The following NUP153 variants were observed in gnomAD, a reference collection of about 807,000 sequenced individuals.
NUP153 encodes nuclear pore complex protein Nup153.
NUP153 carries 27 observed loss-of-function variants against 134.6 expected under a neutral mutation model. The ratio of observed to expected loss-of-function variants is 0.20; its 90% CI spans 0.15 to 0.28. NUP153 has a LOEUF of 0.28. Ranked by LOEUF, NUP153 falls within the 10% of genes least tolerant of loss-of-function variation. NUP153 has a pLI of 1.00. For synonymous variants in NUP153, 640 were observed against 623.5 expected, an observed-to-expected ratio of 1.03 and a Z score of -0.40; for missense variants, 1,821 against 1,731.3, an observed-to-expected ratio of 1.05 and a Z score of -0.92.
intron 17 of NUP153, among the ~76,000 whole-genome samples, chr6:17,631,823 T>G (rs150808282): frequency 0.022 from 3,363 of 152,126 alleles, 52 homozygotes; most frequent in Non-Finnish European, 0.03. Context: ...AAAAATTAGC[T>G]AGGCGTGGTG....
At chr6:17,632,955 A>T (rs1765338416) in intron 16 of NUP153, 111 bp from the exon 17 acceptor site, 1 of 724,416 alleles carries the variant, frequency 1.4e-6, no homozygotes, top group African/African-American at 1.8e-5. Flanking sequence ...AGTTTCTAAT[A>T]ATATTTCCTA....
intron 13 of NUP153, among the ~76,000 whole-genome samples, 195 bp from the exon 14 acceptor site, chr6:17,646,349 AG>A (rs1430515694): frequency 6.6e-6 from 1 of 152,070 alleles, no homozygotes; most frequent in Non-Finnish European, 1.5e-5. Flanking sequence ...CTGGGACTAC[AG>A]GAACTCGCCA....
chr6:17,644,958 C>A (rs764353240), intron 14 of NUP153, among the ~76,000 whole-genome samples: 1 of 151,988 alleles, frequency 6.6e-6, no homozygotes, highest in African/African-American at 2.4e-5. Context: ...TGGTGGCAGG[C>A]GCCTGTGGTG....
At chr6:17,649,845 C>T (rs1766414254) in intron 11 of NUP153, among the ~76,000 whole-genome samples, 1 of 152,090 alleles carries the variant, frequency 6.6e-6, no homozygotes, top group African/African-American at 2.4e-5. Flanking sequence ...ACAGTATATA[C>T]AGGGTTCAAT....
chr6:17,704,317 A>G (rs1282618362), intron 1 of NUP153, among the ~76,000 whole-genome samples: 1 of 151,738 alleles, frequency 6.6e-6, no homozygotes, highest in Non-Finnish European at 1.5e-5. Context: ...AGCTGTGATA[A>G]CTTCAGACAT....
At chr6:17,698,198 T>G (rs1442306864) in intron 1 of NUP153, among the ~76,000 whole-genome samples, 2 of 152,208 alleles carry the variant, frequency 1.3e-5, no homozygotes, top group Admixed American at 1.3e-4. Flanking sequence ...GCTAGAGGAC[T>G]TGGACTGATT....
At chr6:17,654,481 C>T (rs1184834076) in intron 11 of NUP153, among the ~76,000 whole-genome samples, 1 of 152,126 alleles carries the variant, frequency 6.6e-6, no homozygotes, top group African/African-American at 2.4e-5. Context: ...GCCACTACGC[C>T]CAGCTAATTT....
At chr6:17,671,088 GCCA>G (rs1767879257) in intron 5 of NUP153, among the ~76,000 whole-genome samples, 1 of 152,158 alleles carries the variant, frequency 6.6e-6, no homozygotes, top group East Asian at 1.9e-4. Flanking sequence ...ACAGGCATGA[GCCA>G]CCACACCTGG....
intron 16 of NUP153, among the ~76,000 whole-genome samples, chr6:17,634,980 A>T (rs62999762): frequency 7.4e-3 from 3 of 406 alleles, no homozygotes; most frequent in African/African-American, 0.012. Flanking sequence ...ATTAAAAAAT[A>T]AAAAAAAAAA....
intron 1 of NUP153, among the ~76,000 whole-genome samples, chr6:17,692,873 C>T (rs142452167): frequency 6.6e-6 from 1 of 152,060 alleles, no homozygotes; most frequent in Non-Finnish European, 1.5e-5. Context: ...TAGAGAAGCC[C>T]CTCCAAAACA....
In NUP153 at chr6:17,625,803, T is replaced by C; in HGVS notation, c.3901+5A>G. ...TACAATGCATTTTTTCTTTTGTAAA[T>C]GTACCTGCAGAGCTAGATGTGGTTG... On this transcript the variant is annotated splice_donor_5th_base_variant and intron_variant, in intron 19 of 21. Transcript: ENST00000262077. This position sits in a 1 kb window ranked among gnomAD's most constrained non-coding sequence, Gnocchi z 4.7. 6.2e-7 allele frequency: 1 copy of C among 1,600,624 alleles called. No individual in the cohort carries two copies. The highest frequency in any genetic ancestry group is 1.7e-5 in the Admixed American group (1 of 59,500).
intron 20 of NUP153, among the ~76,000 whole-genome samples, chr6:17,618,755 A>G (rs901196742): frequency 4.6e-5 from 7 of 152,038 alleles, no homozygotes; most frequent in Non-Finnish European, 7.4e-5. Flanking sequence ...CTTAGTAGAG[A>G]TGGGGTTTCA....
In NUP153 at chr6:17,637,461, A is replaced by C. The variant is rs745853844; in HGVS notation, c.2156T>G (p.Phe719Cys). The part of the protein sequence containing the change: ...SASGTGFGDK[F>C]KPVIGTWDCD... The stretch of plus-strand genomic sequence containing the variant: ...ATCCCAAGTGCCTATCACTGGTTTA[A>C]ATTTGTCTCCAAAGCCTGTCCCTGA... Residue 719 changes from phenylalanine (F) to cysteine (C), a missense_variant, in exon 16 of 22, where the codon TTT becomes TGT. Transcript: ENST00000262077. 2 of 1,614,202 alleles carry C rather than the reference A, an allele frequency of 1.2e-6. No homozygotes were observed. Among genetic ancestry groups the C allele is most frequent in the Non-Finnish European group, 1.7e-6 (2 of 1,180,034 alleles).
chr6:17,648,902 C>T (rs1000599576), intron 12 of NUP153, among the ~76,000 whole-genome samples: 2 of 152,068 alleles, frequency 1.3e-5, no homozygotes, highest in African/African-American at 4.8e-5. Context: ...AAGCATCTTA[C>T]TGGAAACATT....
intron 13 of NUP153, among the ~76,000 whole-genome samples, chr6:17,646,743 T>C (rs1766208474): frequency 6.7e-6 from 1 of 149,472 alleles, no homozygotes; most frequent in Non-Finnish European, 1.5e-5. Flanking sequence ...TTTCTTTCCT[T>C]TTTTTTTTGT....
intron 2 of NUP153, among the ~76,000 whole-genome samples, chr6:17,681,098 G>A (rs1050911939): frequency 3.3e-5 from 5 of 151,622 alleles, no homozygotes; most frequent in African/African-American, 1.2e-4. Context: ...TAAAAAAAAA[G>A]AATTAAATCT....
intron 20 of NUP153, 140 bp downstream of exon 20, chr6:17,624,421 C>A: frequency 2.7e-6 from 2 of 740,168 alleles, no homozygotes; most frequent in Non-Finnish European, 4.3e-6. Context: ...TATATAAATC[C>A]AACCATATTA....
chr6:17,687,459 C>T (rs1769001131), intron 2 of NUP153, among the ~76,000 whole-genome samples: 1 of 152,146 alleles, frequency 6.6e-6, no homozygotes, highest in African/African-American at 2.4e-5. Flanking sequence ...AAAGTACAGA[C>T]ATTAAAACTT....
chr6:17,616,290 G>GGGGGGGGGGGGGGGCCCC, intron 21 of NUP153, 109 bp from the exon 22 acceptor site: 3 of 473,866 alleles, frequency 6.3e-6, no homozygotes, highest in East Asian at 8.9e-5. Flanking sequence ...GGTGGGGGGG[G>GGGGGGGGGGGGGGGCCCC]AGTAGACTCA....
Sources: allele counts gnomAD v4.1 joint callset (sites outside exome capture counted in the v4.1 genomes callset), GRCh38; gene constraint gnomAD v4.1.1; non-coding constraint Gnocchi (gnomAD v3.1); transcripts MANE v1.5; gene names NCBI Gene and HGNC (gene_info 2026-07-23, HGNC 2026-07-21).